The following ABLIM1 variants were observed in gnomAD, a reference collection of about 807,000 sequenced individuals.
ABLIM1 encodes actin binding LIM protein 1.
A neutral mutation model predicts 107.0 loss-of-function variants in ABLIM1; 40 were observed. The ratio of observed to expected loss-of-function variants is 0.37; its 90% CI spans 0.29 to 0.49. The LOEUF (loss-of-function observed/expected upper bound fraction) is 0.49. ABLIM1 is among the 20% of genes least tolerant of loss of function. ABLIM1 has a pLI of 0.97. For missense variants in ABLIM1, 857 were observed against 1,008.5 expected, an observed-to-expected ratio of 0.85 and a Z score of 2.04; for synonymous variants, 357 against 357.3, an observed-to-expected ratio of 1.00 and a Z score of 0.01.
chr10:114,772,729 A>C (rs1287450216), upstream of ABLIM1, among the ~76,000 whole-genome samples: 1 of 152,254 alleles, frequency 6.6e-6, no homozygotes, highest in Non-Finnish European at 1.5e-5. Flanking sequence ...GCTGAGTGAG[A>C]GTCAGCAGAA....
chr10:114,782,097 G>A, the ABLIM1 span, among the ~76,000 whole-genome samples: 1 of 151,982 alleles, frequency 6.6e-6, no homozygotes, highest in Non-Finnish European at 1.5e-5. Flanking sequence ...AGAATATCCT[G>A]AGCTTTAACA....
At chr10:114,648,033 A>G (rs2079080818) in intron 1 of ABLIM1, among the ~76,000 whole-genome samples, 1 of 152,210 alleles carries the variant, frequency 6.6e-6, no homozygotes, top group African/African-American at 2.4e-5. Context: ...TGGTTATTTC[A>G]CTTTGAGGGA....
At chr10:114,563,559 G>C (rs749511061) in intron 4 of ABLIM1, among the ~76,000 whole-genome samples, 47 of 152,212 alleles carry the variant, frequency 3.1e-4, no homozygotes, top group South Asian at 1.5e-3. Flanking sequence ...TTTAGACCAG[G>C]ACTGGTGGCT....
intron 16 of ABLIM1, among the ~76,000 whole-genome samples, chr10:114,445,081 C>A (rs1282579703): frequency 6.6e-6 from 1 of 152,212 alleles, no homozygotes; most frequent in Non-Finnish European, 1.5e-5. Context: ...TTCCACACCC[C>A]TCTGACCTCC....
chr10:114,645,171 G>A (rs1053875411), intron 1 of ABLIM1, among the ~76,000 whole-genome samples: 3 of 152,166 alleles, frequency 2.0e-5, no homozygotes, highest in Middle Eastern at 3.2e-3. Flanking sequence ...CTACAAGTCA[G>A]ATGTGATTAC....
chr10:114,654,977 T>C (rs1187453790), intron 1 of ABLIM1, among the ~76,000 whole-genome samples: 6 of 152,174 alleles, frequency 3.9e-5, no homozygotes, highest in Non-Finnish European at 7.3e-5. Flanking sequence ...GATTGAGCTG[T>C]TGACACACTG....
intron 18 of ABLIM1, 109 bp from the exon 19 acceptor site, chr10:114,441,186 A>C: frequency 3.4e-6 from 4 of 1,165,064 alleles, no homozygotes; most frequent in Non-Finnish European, 3.6e-6. Context: ...CCCAAGCTAA[A>C]TGTCAGACCT....
chr10:114,772,188 G>A (rs1009546867), upstream of ABLIM1, among the ~76,000 whole-genome samples: 3 of 152,186 alleles, frequency 2.0e-5, no homozygotes, highest in African/African-American at 7.2e-5. Context: ...ATACAAGGTG[G>A]AGAAGCTAAG....
intron 10 of ABLIM1, among the ~76,000 whole-genome samples, chr10:114,468,422 C>CT (rs201070970): frequency 3.9e-5 from 6 of 151,966 alleles, no homozygotes; most frequent in Admixed American, 3.3e-4. Flanking sequence ...CTACAGGCGC[C>CT]GCCACCACCC....
chr10:114,701,214 A>G (rs1161470409), intron 1 of ABLIM1, among the ~76,000 whole-genome samples: 1 of 152,196 alleles, frequency 6.6e-6, no homozygotes, highest in Admixed American at 6.5e-5. Flanking sequence ...CCATGAGGTA[A>G]ATGCAAAGTA....
At chr10:114,711,709 T>C (rs1056993673) in intron 1 of ABLIM1, among the ~76,000 whole-genome samples, 14 of 152,282 alleles carry the variant, frequency 9.2e-5, no homozygotes, top group Admixed American at 9.1e-4. Context: ...GTGGAGTCGA[T>C]GCTAGAACCT....
intron 1 of ABLIM1, among the ~76,000 whole-genome samples, chr10:114,711,273 T>C (rs2081542744): frequency 6.6e-6 from 1 of 152,222 alleles, no homozygotes; most frequent in Non-Finnish European, 1.5e-5. Context: ...TTGTCTGCAG[T>C]CATCCCACTT....
rs1018599757 is a variant in ABLIM1, at chr10:114,707,377, C to T, written c.-213+60684G>A. Among the ~76,000 whole-genome samples, 7 of 152,096 alleles carry T rather than the reference C, an allele frequency of 4.6e-5. No homozygotes were observed. Among genetic ancestry groups the T allele is most frequent in the African/African-American group, 1.2e-4 (5 of 41,434 alleles). On this transcript the variant is annotated intron_variant, in intron 1 of 15. Coordinates refer to the ABLIM1 transcript ENST00000651092. The surrounding 1 kb of genome is among the most constrained non-coding windows in gnomAD (Gnocchi z 4.1). ...CCTTCCGAGTAGCTGGAACTACAGG[C>T]GCACACCACCACACTCAGCTAATTT... is the stretch of plus-strand genomic sequence containing the variant.
chr10:114,658,001 T>C lies in ABLIM1; in HGVS notation c.200A>G (p.Asp67Gly). ...ACATACACGCCCACGTGGGCAGTAGTCCTTGGGACAGAGATACAGCAAATG... is the reference window on the plus strand; with the variant it reads ...ACATACACGCCCACGTGGGCAGTAGCCCTTGGGACAGAGATACAGCAAATG... ...ITHLLYLCPK[D>G]YCPRGRVCNS... is the part of the protein sequence containing the mutation. The change falls in exon 1 of 23, where the codon GAC (aspartate) becomes GGC (glycine). Residue 67 changes from aspartate (D) to glycine (G), a missense_variant. Physicochemically the swap from Asp to Gly is moderately conservative, Grantham distance 94. Transcript: ENST00000533213. 2.5e-6 allele frequency: 4 copies of C among 1,614,124 alleles called. No individual in the cohort carries two copies. The highest frequency in any genetic ancestry group is 1.1e-5 in the South Asian group (1 of 91,072).
At chr10:114,765,446 G>T (rs1272767508) in intron 1 of ABLIM1, among the ~76,000 whole-genome samples, 1 of 151,968 alleles carries the variant, frequency 6.6e-6, no homozygotes, top group Admixed American at 6.6e-5. Context: ...AAAATCAAGA[G>T]CATTTATCTT....
intron 7 of ABLIM1, among the ~76,000 whole-genome samples, chr10:114,488,983 C>T (rs2058561700): frequency 6.6e-6 from 1 of 152,100 alleles, no homozygotes; most frequent in Non-Finnish European, 1.5e-5. Context: ...GTATGAATAT[C>T]AGAGTTTCCA....
intron 1 of ABLIM1, among the ~76,000 whole-genome samples, chr10:114,698,676 G>A (rs957010389): frequency 6.6e-6 from 1 of 152,158 alleles, no homozygotes; most frequent in Non-Finnish European, 1.5e-5. Flanking sequence ...TCAGATACCA[G>A]TTCAGGTTAC....
the ABLIM1 span, among the ~76,000 whole-genome samples, chr10:114,786,729 G>A: frequency 3.6e-4 from 55 of 152,324 alleles, no homozygotes; most frequent in East Asian, 5.6e-3. Flanking sequence ...GCTCCTAACC[G>A]CGAGTGATCC....
chr10:114,583,428 C>A (rs1373763163), intron 2 of ABLIM1, among the ~76,000 whole-genome samples: 1 of 28,084 alleles, frequency 3.6e-5, no homozygotes, highest in Non-Finnish European at 7.1e-5. Context: ...CACACACACA[C>A]ACACACACAC....
Sources: allele counts gnomAD v4.1 joint callset (sites outside exome capture counted in the v4.1 genomes callset), GRCh38; gene constraint gnomAD v4.1.1; non-coding constraint Gnocchi (gnomAD v3.1); transcripts MANE v1.5; gene names NCBI Gene and HGNC (gene_info 2026-07-23, HGNC 2026-07-21).